The following PGM5 variants were observed in gnomAD, a reference collection of about 807,000 sequenced individuals.
The protein encoded by PGM5 is phosphoglucomutase-like protein 5.
In PGM5, 23 loss-of-function variants were observed where a neutral mutation model predicts 59.2. That is an observed-to-expected ratio of 0.39 (90% CI 0.28 to 0.55). The LOEUF is 0.55. Among genes scored for constraint, PGM5 ranks in the 20% least tolerant of loss-of-function variants. The probability of loss-of-function intolerance (pLI) is 0.66; values close to 1 mark genes in which losing one functional copy is unlikely to be tolerated. For synonymous variants in PGM5, 214 were observed against 286.0 expected (o/e 0.75, Z 2.54); for missense variants, 574 against 748.3 (o/e 0.77, Z 2.72).
chr9:68,390,868 G>T lies in PGM5; in HGVS notation c.698-666G>T, dbSNP rs1438250095. 2.0e-5 allele frequency among the ~76,000 whole-genome samples: 3 copies of T among 151,978 alleles called. No individual in the cohort carries two copies. The East Asian group carries it at 5.8e-4, about 29-fold the overall frequency. ...TTGGATATAATTATTTCATCAATGT[G>T]CATTGTTTAGTCTTACCACTGCAGT... is the stretch of plus-strand genomic sequence containing the variant. On this transcript the variant is annotated intron_variant, in intron 4 of 10. Transcript: ENST00000396396.
At chr9:68,394,488 A>C (rs1482842342) in intron 6 of PGM5, 1 of 152,152 alleles carries the variant, frequency 6.6e-6, no homozygotes, top group Non-Finnish European at 1.5e-5. Context: ...CAACAACAAC[A>C]AAAAAATACT....
chr9:68,497,452 C>G (rs1554688246), intron 9 of PGM5: 1 of 152,104 alleles, frequency 6.6e-6, no homozygotes, highest in African/African-American at 2.4e-5. Context: ...GACATTGAAC[C>G]ACTCCAAAAG....
At chr9:68,407,561 T>G (rs1822845504) in intron 6 of PGM5, among the ~76,000 whole-genome samples, 1 of 151,850 alleles carries the variant, frequency 6.6e-6, no homozygotes, top group Non-Finnish European at 1.5e-5. Context: ...TTTAGAAAAA[T>G]TATCTTTCTG....
In PGM5 at chr9:68,489,177, C is replaced by T. The variant is rs532824354; in HGVS notation, c.1479+5129C>T. 2.0e-5 allele frequency among the ~76,000 whole-genome samples: 3 copies of T among 152,314 alleles called. No homozygotes were observed. In the South Asian group the frequency reaches 6.2e-4, roughly 32 times the overall value. On this transcript the variant is annotated intron_variant, in intron 9 of 10. Coordinates refer to ENST00000396396, the MANE Select transcript of PGM5 (RefSeq NM_021965.4). ...TGTGGCCTAAGTCCTGGAATCTCCA[C>T]TCAGTGCCACAGTTGTGAGACTCCC... is the stretch of plus-strand genomic sequence containing the variant.
chr9:68,361,001 C>T (rs1467136838), intron 1 of PGM5, among the ~76,000 whole-genome samples: 3 of 152,330 alleles, frequency 2.0e-5, no homozygotes, highest in Admixed American at 1.3e-4. Flanking sequence ...TCATTGCAGC[C>T]TCAAATTCCT....
chr9:68,416,022 GGT>G (rs1485629911), intron 6 of PGM5, among the ~76,000 whole-genome samples: 1 of 151,824 alleles, frequency 6.6e-6, no homozygotes, highest in East Asian at 1.9e-4. Context: ...GTTGTGGCCT[GGT>G]GTGTACTGAA....
intron 6 of PGM5, among the ~76,000 whole-genome samples, chr9:68,456,617 C>CTTTTT: frequency 6.9e-6 from 1 of 143,924 alleles, no homozygotes; most frequent in Non-Finnish European, 1.5e-5. Context: ...TGTGCCCTGT[C>CTTTTT]CTTTTTTTTT....
At chr9:68,385,793 G>T (rs1822202998) in intron 3 of PGM5, among the ~76,000 whole-genome samples, 2 of 152,148 alleles carry the variant, frequency 1.3e-5, no homozygotes, top group South Asian at 4.1e-4. Context: ...TCTCATTCAG[G>T]CTCATTGCTG....
intron 1 of PGM5, among the ~76,000 whole-genome samples, chr9:68,364,059 A>G (rs1238682973): frequency 6.6e-6 from 1 of 152,260 alleles, no homozygotes; most frequent in African/African-American, 2.4e-5. Flanking sequence ...TTTAGCCAAG[A>G]GAAAATGTAT....
chr9:68,437,352 C>T lies in PGM5; in HGVS notation c.1044-27741C>T, dbSNP rs11142389. Among the ~76,000 whole-genome samples, 1,562 of 152,260 alleles carry T rather than the reference C, an allele frequency of 0.01. 19 individuals are homozygous for T. The highest frequency in any genetic ancestry group is 0.037 in the African/African-American group (1,521 of 41,552). On this transcript the variant is annotated intron_variant, in intron 6 of 10. Transcript: ENST00000396396. The surrounding 1 kb of genome is among the most constrained non-coding windows in gnomAD (Gnocchi z 4.1). ...GGAGAAAAGGAAGCTTGGCAACTTTCGTGAAATGGTGTGCCTTAAAGAGGA... is the reference window on the plus strand; with the variant it reads ...GGAGAAAAGGAAGCTTGGCAACTTTTGTGAAATGGTGTGCCTTAAAGAGGA...
At chr9:68,455,516 A>C (rs1381692710) in intron 6 of PGM5, among the ~76,000 whole-genome samples, 7 of 152,140 alleles carry the variant, frequency 4.6e-5, no homozygotes, top group South Asian at 2.1e-4. Context: ...AAAAAAAAAA[A>C]AAAACAGGAA....
intron 6 of PGM5, chr9:68,395,580 A>T (rs1437135142): frequency 6.6e-6 from 1 of 152,082 alleles, no homozygotes; most frequent in Non-Finnish European, 1.5e-5. Flanking sequence ...TGAATGTGGT[A>T]TATCTCTCTA....
intron 1 of PGM5, among the ~76,000 whole-genome samples, chr9:68,363,358 A>C (rs1284287903): frequency 3.3e-5 from 5 of 152,416 alleles, no homozygotes; most frequent in Non-Finnish European, 5.9e-5. Flanking sequence ...CATTTTACTT[A>C]ATTTTAATTA....
chr9:68,478,908 G>A (rs1275718718), intron 7 of PGM5, among the ~76,000 whole-genome samples: 1 of 152,178 alleles, frequency 6.6e-6, no homozygotes, highest in East Asian at 1.9e-4. Context: ...CTTAGGTCAA[G>A]CAGCTTTTGG....
At chr9:68,512,260 G>T (rs1255331046) in intron 10 of PGM5, among the ~76,000 whole-genome samples, 3 of 152,228 alleles carry the variant, frequency 2.0e-5, no homozygotes, top group African/African-American at 7.2e-5. Context: ...TAGCCAGGAG[G>T]CATGTGCTCT....
intron 5 of PGM5, among the ~76,000 whole-genome samples, chr9:68,391,962 T>A (rs1822376362): frequency 6.6e-6 from 1 of 152,156 alleles, no homozygotes; most frequent in African/African-American, 2.4e-5. Flanking sequence ...AAATATATAT[T>A]ATTCCATAAA....
intron 10 of PGM5, among the ~76,000 whole-genome samples, chr9:68,502,501 G>C (rs1180212727): frequency 6.6e-6 from 1 of 152,132 alleles, no homozygotes; most frequent in Non-Finnish European, 1.5e-5. Context: ...AAAAGGAAAA[G>C]GAAGGAGAAG....
intron 1 of PGM5, among the ~76,000 whole-genome samples, chr9:68,363,073 T>C (rs1834612000): frequency 6.6e-6 from 1 of 151,722 alleles, no homozygotes; most frequent in South Asian, 2.1e-4. Flanking sequence ...TTTCACCATG[T>C]CGGCCAGGCT....
At chr9:68,523,964 G>C (rs1824934443) in intron 10 of PGM5, among the ~76,000 whole-genome samples, 2 of 151,810 alleles carry the variant, frequency 1.3e-5, no homozygotes, top group African/African-American at 4.8e-5. Flanking sequence ...GCTTGTCCCA[G>C]AGTAAGAAGT....
Sources: gnomAD v4.1 joint callset for allele counts (sites outside exome capture counted in the v4.1 genomes callset) on GRCh38, gnomAD v4.1.1 for gene constraint, Gnocchi (gnomAD v3.1) non-coding constraint, MANE v1.5 for transcripts, NCBI Gene and HGNC (gene_info 2026-07-23, HGNC 2026-07-21) for gene names.